Variants in DNAH14 observed in about 807,000 individuals in gnomAD.
The protein encoded by DNAH14 is dynein axonemal heavy chain 14, also known as axonemal beta dynein heavy chain 14.
DNAH14 carries 478 observed loss-of-function variants against 520.9 expected under a neutral mutation model. The observed-to-expected ratio is 0.92, with a 90% CI of 0.85 to 0.99. The LOEUF (loss-of-function observed/expected upper bound fraction) is 0.99. Among genes scored for constraint, DNAH14 ranks in the 50% least tolerant of loss-of-function variants. The pLI is 0.00. For synonymous variants in DNAH14, 1,581 were observed against 1,757.2 expected (o/e 0.90, Z 2.51); for missense variants, 4,831 against 5,234.5 (o/e 0.92, Z 2.38).
At chr1:225,034,374 T>C (rs1441720620) in intron 11 of DNAH14, among the ~76,000 whole-genome samples, 1 of 152,214 alleles carries the variant, frequency 6.6e-6, no homozygotes, top group Non-Finnish European at 1.5e-5. Flanking sequence ...TTGATTTGTG[T>C]ATGTTGAGCC....
intron 66 of DNAH14, among the ~76,000 whole-genome samples, chr1:225,334,906 GTGTATA>G (rs1478269136): frequency 2.5e-5 from 3 of 119,144 alleles, no homozygotes; most frequent in East Asian, 4.9e-4. Flanking sequence ...GTGTGTGTGT[GTGTATA>G]TGTATATGTA....
At chr1:225,038,335 T>TG (rs1468319223) in intron 11 of DNAH14, among the ~76,000 whole-genome samples, 2 of 152,250 alleles carry the variant, frequency 1.3e-5, no homozygotes, top group Non-Finnish European at 2.9e-5. Flanking sequence ...TTAAGTGCTT[T>TG]GGGGTAGTCT....
chr1:225,085,675 A>G lies in DNAH14; in HGVS notation c.3459A>G (p.Thr1153=), dbSNP rs1403656494. Residue 1153 remains threonine, a synonymous_variant, in exon 21 of 86, where the codon ACA becomes ACG. Transcript: ENST00000682510. Reference sequence around the variant, plus strand: ...CTTTGCCTTTAATTCTTCACCACACAGAGATTTACTCTATCTTCATAATTC... The same window carrying G: ...CTTTGCCTTTAATTCTTCACCACACGGAGATTTACTCTATCTTCATAATTC... ...TTPLPLILHH[T]EIYSIFIIPS... 1 of 1,551,284 alleles carries G rather than the reference A, an allele frequency of 6.4e-7. No homozygotes were observed. Among genetic ancestry groups the G allele is most frequent in the African/African-American group, 1.4e-5 (1 of 73,050 alleles).
intron 41 of DNAH14, among the ~76,000 whole-genome samples, chr1:225,225,374 A>G (rs2090438348): frequency 6.6e-6 from 1 of 152,200 alleles, no homozygotes; most frequent in South Asian, 2.1e-4. Context: ...ATATGTTATT[A>G]AACATCTTCT....
At chr1:225,025,159 G>A (rs1011144821) in intron 11 of DNAH14, among the ~76,000 whole-genome samples, 14 of 151,822 alleles carry the variant, frequency 9.2e-5, no homozygotes, top group African/African-American at 3.1e-4. Flanking sequence ...GCAACATGGC[G>A]AGACCCTGTC....
intron 21 of DNAH14, among the ~76,000 whole-genome samples, chr1:225,088,357 A>G (rs924354661): frequency 6.6e-6 from 1 of 152,202 alleles, no homozygotes; most frequent in Non-Finnish European, 1.5e-5. Flanking sequence ...ACTTCTAGAG[A>G]TGAAAACTAC....
chr1:225,235,483 G>A (rs1178696997), intron 42 of DNAH14, among the ~76,000 whole-genome samples: 4 of 151,886 alleles, frequency 2.6e-5, no homozygotes, highest in Admixed American at 2.6e-4. Context: ...ATGTTCATTA[G>A]GGATGGCTTG....
intron 55 of DNAH14, among the ~76,000 whole-genome samples, chr1:225,299,013 C>T (rs2094078280): frequency 1.3e-5 from 2 of 152,218 alleles, no homozygotes; most frequent in Non-Finnish European, 2.9e-5. Context: ...ACCTCTCCAT[C>T]CTGTCACTGT....
At chr1:225,240,867 T>A (rs1447873075) in intron 43 of DNAH14, 45 bp downstream of exon 43, 2 of 1,321,304 alleles carry the variant, frequency 1.5e-6, no homozygotes, top group African/African-American at 1.5e-5. Context: ...TTTTAAAATA[T>A]TAATTTAAAG....
At chr1:225,389,632 T>C (rs761923211) in intron 82 of DNAH14, 102 bp from the exon 83 acceptor site, 5 of 1,345,112 alleles carry the variant, frequency 3.7e-6, no homozygotes, top group Non-Finnish European at 5.0e-6. Flanking sequence ...GGAATCGAAA[T>C]GAAAAGTAAA....
intron 23 of DNAH14, among the ~76,000 whole-genome samples, chr1:225,107,284 C>T (rs932000048): frequency 6.6e-6 from 1 of 152,134 alleles, no homozygotes; most frequent in African/African-American, 2.4e-5. Flanking sequence ...TCAGTCTGCC[C>T]CTACTGGGGG....
rs901984636 is a variant in DNAH14, at chr1:225,123,218, G to T, written c.4167-309G>T. On this transcript the variant is annotated intron_variant, in intron 26 of 85. Coordinates refer to ENST00000682510, the MANE Select transcript of DNAH14 (RefSeq NM_001367479.1). ...TTTTGTAGAAATTATTTCAAATATA[G>T]ATTTTGTCATAAATACTATTAGCAA... Among the ~76,000 whole-genome samples the T allele has an allele frequency of 3.9e-5, 6 of 152,132 alleles. No individual in the cohort carries two copies. The East Asian group carries it at 1.2e-3, about 29-fold the overall frequency.
rs1399955987 is a variant in DNAH14 at position 225,346,710 on chromosome 1, T to G, written c.11296+56T>G. On this transcript the variant is annotated intron_variant, in intron 71 of 85. Transcript: ENST00000682510. ...AAAAGTCCATTAAAAGTGTGTTTCC[T>G]TCCTCTAAGGTGCTCCAAGTCAATG... The G allele has an allele frequency of 2.2e-6, 3 of 1,392,462 alleles. No individual in the cohort carries two copies. The African/African-American group carries it at 4.4e-5, about 20-fold the overall frequency. 86.3% of individuals were successfully genotyped at this position (1,392,462 alleles called of 1,614,324 possible).
intron 36 of DNAH14, among the ~76,000 whole-genome samples, chr1:225,183,142 C>A (rs1193829942): frequency 6.6e-6 from 1 of 152,222 alleles, no homozygotes; most frequent in African/African-American, 2.4e-5. Context: ...AACTAGAGTA[C>A]CAGAAGAGCC....
At chr1:225,246,699 G>C (rs1222044312) in intron 43 of DNAH14, among the ~76,000 whole-genome samples, 1 of 152,190 alleles carries the variant, frequency 6.6e-6, no homozygotes, top group African/African-American at 2.4e-5. Context: ...ACTCCAATTA[G>C]AATGGCAATC....
At chr1:225,168,073 A>G in intron 36 of DNAH14, 45 bp downstream of exon 36, 3 of 1,101,284 alleles carry the variant, frequency 2.7e-6, no homozygotes, top group Non-Finnish European at 3.9e-6. Context: ...CTGTATTTCA[A>G]TAGGAATTAA....
chr1:225,275,737 A>G (rs1454990446), intron 52 of DNAH14, among the ~76,000 whole-genome samples, 177 bp from the exon 53 acceptor site: 1 of 152,192 alleles, frequency 6.6e-6, no homozygotes, highest in African/African-American at 2.4e-5. Flanking sequence ...AAGAGTCCAC[A>G]GGCTTTCTAA....
chr1:225,261,043 T>G (rs1394306301), intron 46 of DNAH14, among the ~76,000 whole-genome samples: 24 of 152,216 alleles, frequency 1.6e-4, no homozygotes, highest in Non-Finnish European at 1.5e-5. Flanking sequence ...AGTTTTTTGG[T>G]GGCATCTTTA....
In DNAH14 at chr1:225,364,773, T is replaced by C. The variant is rs2095532671; in HGVS notation, c.11988-19T>C. 6.7e-7 allele frequency: 1 copy of C among 1,485,990 alleles called. No homozygotes were observed. Among genetic ancestry groups the C allele is most frequent in the Non-Finnish European group, 9.0e-7 (1 of 1,111,028 alleles). 92.1% of individuals were successfully genotyped at this position (1,485,990 alleles called of 1,614,324 possible). On this transcript the variant is annotated intron_variant, in intron 75 of 85. Coordinates refer to ENST00000682510, the MANE Select transcript of DNAH14 (RefSeq NM_001367479.1). Reference sequence around the variant, plus strand: ...TACATTTTTCACATTAAAATATTTATAAATTTTTTATTTTGCAGTTTTAAT... The same window carrying C: ...TACATTTTTCACATTAAAATATTTACAAATTTTTTATTTTGCAGTTTTAAT...
Sources: allele counts gnomAD v4.1 joint callset (sites outside exome capture counted in the v4.1 genomes callset), GRCh38; gene constraint gnomAD v4.1.1; transcripts MANE v1.5; gene names NCBI Gene and HGNC (gene_info 2026-07-23, HGNC 2026-07-21).